The following PTPRK variants were observed in gnomAD, a reference collection of about 807,000 sequenced individuals.
PTPRK encodes the protein protein tyrosine phosphatase receptor type K.
In PTPRK, 75 loss-of-function variants were observed where a neutral mutation model predicts 178.0. That is an observed-to-expected ratio of 0.42 (90% confidence interval 0.35 to 0.51). PTPRK has a LOEUF of 0.51. Ranked by LOEUF, PTPRK falls within the 20% of genes least tolerant of loss-of-function variation. The pLI, the probability that PTPRK is intolerant of heterozygous loss-of-function variation, is 0.02. For missense variants in PTPRK, 1,441 were observed against 1,797.8 expected (o/e 0.80, Z 3.59); for synonymous variants, 637 against 620.6 (o/e 1.03, Z -0.39).
intron 3 of PTPRK, among the ~76,000 whole-genome samples, chr6:128,315,174 G>A (rs1287456107): frequency 1.3e-5 from 2 of 152,060 alleles, no homozygotes; most frequent in Non-Finnish European, 2.9e-5. Flanking sequence ...GAGAACCATG[G>A]TATCTGTTTC....
At chr6:127,995,343 A>G in intron 18 of PTPRK, 119 bp downstream of exon 18, 1 of 1,551,372 alleles carries the variant, frequency 6.4e-7, no homozygotes, top group Admixed American at 1.7e-5. Flanking sequence ...AACAAGGAAA[A>G]GTGTACAGTT....
intron 2 of PTPRK, among the ~76,000 whole-genome samples, chr6:128,354,004 T>C (rs1355416991): frequency 6.6e-6 from 1 of 152,158 alleles, no homozygotes; most frequent in Non-Finnish European, 1.5e-5. Context: ...AAAAACTCCC[T>C]GTATTCTTTC....
intron 1 of PTPRK, among the ~76,000 whole-genome samples, chr6:128,471,025 T>C (rs531658796): frequency 6.6e-6 from 1 of 151,778 alleles, no homozygotes; most frequent in East Asian, 1.9e-4. Context: ...AGTTAGAGAA[T>C]CAAAATATTC....
At position 127,990,894 on chromosome 6, in the gene PTPRK, C is replaced by A; in HGVS notation, c.2980-9G>T. ...TATTTATAGCATTTAACCTAAGTGA[C>A]AAAAAGAATATATAGACAGACCTGA... On this transcript the variant is annotated splice_polypyrimidine_tract_variant and intron_variant, in intron 20 of 29. Transcript: ENST00000368226. 1.3e-6 allele frequency: 2 copies of A among 1,506,546 alleles called. No homozygotes were observed. Among genetic ancestry groups the A allele is most frequent in the Non-Finnish European group, 1.8e-6 (2 of 1,083,568 alleles). 93.3% of individuals were successfully genotyped at this position (1,506,546 alleles called of 1,614,324 possible).
intron 7 of PTPRK, among the ~76,000 whole-genome samples, chr6:128,141,447 A>G (rs1562660334): frequency 6.6e-6 from 1 of 151,992 alleles, no homozygotes; most frequent in Non-Finnish European, 1.5e-5. Context: ...TCTAAAAGAC[A>G]TAAATATGTG....
intron 7 of PTPRK, among the ~76,000 whole-genome samples, chr6:128,095,657 GT>G (rs1283344992): frequency 1.3e-5 from 2 of 152,152 alleles, no homozygotes; most frequent in Non-Finnish European, 2.9e-5. Context: ...AAGGCTGAAG[GT>G]CCTGTGTGTT....
intron 14 of PTPRK, 131 bp downstream of exon 14, chr6:128,008,999 T>C (rs1352631164): frequency 1.3e-6 from 1 of 743,362 alleles, no homozygotes; most frequent in African/African-American, 1.8e-5. Context: ...ACTCAGGTGC[T>C]GACAACATTG....
chr6:128,210,857 C>G (rs968148594), intron 6 of PTPRK, among the ~76,000 whole-genome samples: 2 of 151,986 alleles, frequency 1.3e-5, no homozygotes, highest in Admixed American at 1.3e-4. Context: ...TTCTTCCTAA[C>G]GAAGGTACAA....
chr6:128,454,884 G>C (rs907011978), intron 1 of PTPRK, among the ~76,000 whole-genome samples: 1 of 151,988 alleles, frequency 6.6e-6, no homozygotes. Context: ...CAGACATCTG[G>C]TCCTGAAGAA....
intron 2 of PTPRK, among the ~76,000 whole-genome samples, chr6:128,329,496 C>T (rs1420077381): frequency 1.3e-5 from 2 of 151,248 alleles, no homozygotes; most frequent in Admixed American, 1.3e-4. Context: ...AATTCCAATC[C>T]GAGCCCAAAG....
chr6:128,294,813 G>A (rs926537733), intron 3 of PTPRK, among the ~76,000 whole-genome samples: 1 of 151,984 alleles, frequency 6.6e-6, no homozygotes, highest in African/African-American at 2.4e-5. Flanking sequence ...TTCTACTTCT[G>A]CTTTATCATA....
At chr6:128,294,029 AAT>A (rs1221840507) in intron 3 of PTPRK, among the ~76,000 whole-genome samples, 1 of 151,876 alleles carries the variant, frequency 6.6e-6, no homozygotes, top group Non-Finnish European at 1.5e-5. Flanking sequence ...TTTTTCTTTT[AAT>A]CTTTGCTTTT....
chr6:127,975,367 A>C (rs189347212), intron 27 of PTPRK, among the ~76,000 whole-genome samples: 2 of 152,290 alleles, frequency 1.3e-5, no homozygotes, highest in African/African-American at 4.8e-5. Flanking sequence ...CATGAATATT[A>C]TGAGATGATT....
intron 7 of PTPRK, among the ~76,000 whole-genome samples, chr6:128,126,426 G>A (rs567211204): frequency 6.6e-6 from 1 of 152,260 alleles, no homozygotes; most frequent in South Asian, 2.1e-4. Context: ...AGTTTTTGGT[G>A]ATTTTATATA....
intron 3 of PTPRK, among the ~76,000 whole-genome samples, chr6:128,257,194 C>T (rs1407637534): frequency 1.3e-5 from 2 of 150,512 alleles, no homozygotes; most frequent in Non-Finnish European, 3.0e-5. Flanking sequence ...CACGCCATTG[C>T]ACTCCAGCCT....
intron 10 of PTPRK, 53 bp downstream of exon 10, chr6:128,082,384 A>C (rs1374922729): frequency 6.7e-7 from 1 of 1,501,766 alleles, no homozygotes; most frequent in African/African-American, 1.4e-5. Flanking sequence ...AGGATGTGCC[A>C]TTACAAACCA....
Position 127,983,328 on chromosome 6 carries a change from C to T in PTPRK, c.3301G>A (p.Asp1101Asn). The part of the protein sequence containing the change: ...GCYIVIDIML[D>N]MAEREGVVDI... The stretch of plus-strand genomic sequence containing the variant: ...ACAACACCCTCTCTTTCAGCCATGT[C>T]TAGCATGATGTCAATCACAATGTAG... Residue 1101 changes from aspartate (D) to asparagine (N), a missense_variant, in exon 23 of 30, where the codon GAC (aspartate) becomes AAC (asparagine). By Grantham distance (23) the Asp-to-Asn change is conservative (BLOSUM62 1). This residue lies in a region of PTPRK where 335 missense variants were observed against 512.4 expected (regional missense o/e 0.65). Transcript: ENST00000368226. 1.9e-6 allele frequency: 3 copies of T among 1,613,810 alleles called. No individual in the cohort carries two copies. The highest frequency in any genetic ancestry group is 2.5e-6 in the Non-Finnish European group (3 of 1,179,764).
At chr6:128,080,876 A>G (rs1784694028) in intron 10 of PTPRK, among the ~76,000 whole-genome samples, 1 of 152,064 alleles carries the variant, frequency 6.6e-6, no homozygotes, top group Non-Finnish European at 1.5e-5. Flanking sequence ...TTAAAGTACA[A>G]TCAAGTACTC....
chr6:128,044,704 C>T lies in PTPRK; in HGVS notation c.2194+20054G>A, dbSNP rs148948134. On this transcript the variant is annotated intron_variant, in intron 13 of 29. Transcript: ENST00000368226. ...AACATCAACTCAGTGAGGATTTATC[C>T]GAAATCCTTTCAAAATTAGTTTTAC... is the stretch of plus-strand genomic sequence containing the variant. Among the ~76,000 whole-genome samples the T allele has an allele frequency of 4.5e-3, 690 of 151,842 alleles. 5 individuals are homozygous for T. The highest frequency in any genetic ancestry group is 0.016 in the African/African-American group (646 of 41,438).
Sources: gnomAD v4.1 joint callset for allele counts (sites outside exome capture counted in the v4.1 genomes callset) on GRCh38, gnomAD v4.1.1 for gene constraint, gnomAD v4.1.1 regional missense constraint, MANE v1.5 for transcripts, NCBI Gene and HGNC (gene_info 2026-07-23, HGNC 2026-07-21) for gene names.